SLC12A9: variants seen among roughly 807,000 people sequenced by gnomAD.
SLC12A9 encodes the protein CCC-interacting protein 1.
SLC12A9 carries 55 observed loss-of-function variants against 66.0 expected under a neutral mutation model. The ratio of observed to expected loss-of-function variants is 0.83; its 90% CI spans 0.67 to 1.04. The LOEUF is 1.04. Among genes scored for constraint, SLC12A9 ranks in the 50% least tolerant of loss-of-function variants. SLC12A9 has a pLI of 0.00. For missense variants in SLC12A9, 1,061 were observed against 1,241.9 expected, an observed-to-expected ratio of 0.85 and a Z score of 2.19; for synonymous variants, 577 against 569.0, an observed-to-expected ratio of 1.01 and a Z score of -0.20.
upstream of SLC12A9, among the ~76,000 whole-genome samples, chr7:100,851,798 A>G: frequency 6.6e-6 from 1 of 151,348 alleles, no homozygotes; most frequent in Non-Finnish European, 1.5e-5. Flanking sequence ...AAAAAAAAAA[A>G]AAAAAAAAGG....
upstream of SLC12A9, among the ~76,000 whole-genome samples, chr7:100,850,531 C>T (rs1031042281): frequency 2.0e-5 from 3 of 151,732 alleles, no homozygotes; most frequent in Admixed American, 6.6e-5. Flanking sequence ...CAAGCTACTA[C>T]ACCTTGCCAC....
chr7:100,850,251 C>A (rs1234540362), upstream of SLC12A9, among the ~76,000 whole-genome samples: 3 of 90,376 alleles, frequency 3.3e-5, no homozygotes, highest in African/African-American at 7.8e-5. Flanking sequence ...CCTTCCTTTT[C>A]TTTCTTTCTT....
chr7:100,829,802 G>GTGA (rs1196379073), intron 1 of SLC12A9, among the ~76,000 whole-genome samples: 1 of 152,240 alleles, frequency 6.6e-6, no homozygotes, highest in East Asian at 1.9e-4. Flanking sequence ...GCCGAGGCGG[G>GTGA]TGGATCACTT....
intron 1 of SLC12A9, among the ~76,000 whole-genome samples, chr7:100,840,375 G>A (rs1813757130): frequency 6.6e-6 from 1 of 152,178 alleles, no homozygotes; most frequent in African/African-American, 2.4e-5. Flanking sequence ...ATTAGAGGTA[G>A]GTTGGCCATT....
intron 7 of SLC12A9, chr7:100,859,678 T>C: frequency 1.6e-6 from 1 of 612,438 alleles, no homozygotes; most frequent in South Asian, 2.2e-5. Flanking sequence ...AGCACTGCAC[T>C]TTAGCCTGGG....
intron 4 of SLC12A9, chr7:100,856,653 C>T: frequency 3.7e-6 from 2 of 541,460 alleles, no homozygotes; most frequent in Non-Finnish European, 6.6e-6. Context: ...AGCTGGACTA[C>T]AGGCATGCCT....
intron 13 of SLC12A9, chr7:100,865,376 C>G: frequency 1.3e-6 from 2 of 1,536,142 alleles, no homozygotes. Flanking sequence ...ACTCGCATCC[C>G]CTGCCGTGAA....
chr7:100,860,432 A>C, intron 9 of SLC12A9, 200 bp downstream of exon 9: 1 of 591,432 alleles, frequency 1.7e-6, no homozygotes, highest in African/African-American at 1.9e-5. Flanking sequence ...TGCAGAGTTC[A>C]TTGGCACCCT....
intron 1 of SLC12A9, among the ~76,000 whole-genome samples, chr7:100,836,300 G>A (rs577352163): frequency 3.1e-4 from 47 of 152,286 alleles, no homozygotes; most frequent in African/African-American, 1.1e-3. Context: ...GGCACAGAAA[G>A]ATGTGTGTGG....
chr7:100,848,296 A>G (rs780281190), upstream of SLC12A9, among the ~76,000 whole-genome samples: 22 of 150,784 alleles, frequency 1.5e-4, no homozygotes, highest in Non-Finnish European at 2.8e-4. Context: ...CTTGAGCCCA[A>G]CAGTTCAAGA....
chr7:100,833,762 A>G (rs1813588574), intron 1 of SLC12A9, among the ~76,000 whole-genome samples: 1 of 151,762 alleles, frequency 6.6e-6, no homozygotes, highest in South Asian at 2.1e-4. Context: ...GTGAAACCCC[A>G]TCTCTACTAA....
rs1584692235 is a variant in SLC12A9 at position 100,854,281 on chromosome 7, T to G, written c.84T>G (p.Gly28=). Residue 28 remains glycine, a synonymous_variant, in exon 2 of 14, where the codon GGT becomes GGG. Transcript: ENST00000354161. The stretch of plus-strand genomic sequence containing the variant: ...CCCTCCCTGCCAATGGGGCCGGGGG[T>G]CCTGGAGGGGCGTCTGCCCGGAAGC... ...GVALPANGAG[G]PGGASARKLS... is the part of the protein sequence containing the mutation. The G allele has an allele frequency of 6.3e-7, 1 of 1,597,404 alleles. No individual in the cohort carries two copies. The highest frequency in any genetic ancestry group is 8.5e-7 in the Non-Finnish European group (1 of 1,175,552).
chr7:100,864,366 G>A (rs1441910281), intron 13 of SLC12A9, among the ~76,000 whole-genome samples: 1 of 151,978 alleles, frequency 6.6e-6, no homozygotes, highest in Non-Finnish European at 1.5e-5. Context: ...CATTTTAATG[G>A]GGGAAAAAAA....
chr7:100,842,187 A>G (rs1298271068), intron 1 of SLC12A9, among the ~76,000 whole-genome samples: 1 of 152,030 alleles, frequency 6.6e-6, no homozygotes, highest in African/African-American at 2.4e-5. Context: ...GTTGTAGGCC[A>G]TAGTCCCAAA....
intron 1 of SLC12A9, among the ~76,000 whole-genome samples, chr7:100,842,455 C>T (rs1375950665): frequency 2.6e-5 from 4 of 152,154 alleles, no homozygotes; most frequent in Admixed American, 2.6e-4. Context: ...AAACTAGGAC[C>T]ATTTAATCCA....
chr7:100,837,130 A>T (rs1185974663), intron 1 of SLC12A9, among the ~76,000 whole-genome samples: 1 of 152,026 alleles, frequency 6.6e-6, no homozygotes, highest in Non-Finnish European at 1.5e-5. Context: ...AAAAATAGAG[A>T]TGGGGGCTCG....
chr7:100,846,842 C>A (rs761187381), intron 1 of SLC12A9, among the ~76,000 whole-genome samples: 1 of 152,192 alleles, frequency 6.6e-6, no homozygotes, highest in African/African-American at 2.4e-5. Flanking sequence ...GTGCCACACC[C>A]TAGGCCTAGT....
At chr7:100,865,315 C>G (rs1278205950) in intron 13 of SLC12A9, 1 of 1,535,858 alleles carries the variant, frequency 6.5e-7, no homozygotes, top group Admixed American at 2.0e-5. Flanking sequence ...CCTGGGGATT[C>G]AGGTCATGAG....
chr7:100,854,110 C>T (rs12535629), intron 1 of SLC12A9, 46 bp from the exon 2 acceptor site: 350,174 of 1,265,742 alleles, frequency 0.28, 51,527 homozygotes, highest in Admixed American at 0.46. Flanking sequence ...TGGGGGTGGG[C>T]GAGCTCTGTG....
Sources: gnomAD v4.1 joint callset for allele counts (sites outside exome capture counted in the v4.1 genomes callset) on GRCh38, gnomAD v4.1.1 for gene constraint, MANE v1.5 for transcripts, NCBI Gene and HGNC (gene_info 2026-07-23, HGNC 2026-07-21) for gene names.